Variants in ZMAT4 observed in about 807,000 individuals in gnomAD.
ZMAT4 encodes zinc finger matrin-type protein 4.
Under a neutral mutation model 28.7 loss-of-function variants are expected in ZMAT4, and 17 were observed. The observed-to-expected ratio is 0.59, with a 90% CI of 0.41 to 0.89. The LOEUF (loss-of-function observed/expected upper bound fraction) is 0.89. ZMAT4 is among the 40% of genes least tolerant of loss of function. The pLI is 0.00. For synonymous variants in ZMAT4, 117 were observed against 109.2 expected (o/e 1.07, Z -0.44); for missense variants, 240 against 283.8 (o/e 0.85, Z 1.11).
intron 1 of ZMAT4, among the ~76,000 whole-genome samples, chr8:40,896,049 A>T (rs1030062305): frequency 8.6e-5 from 13 of 151,794 alleles, no homozygotes; most frequent in African/African-American, 3.2e-4. Flanking sequence ...GAGAACGCTG[A>T]TGGTATTTTG....
At chr8:40,746,709 T>C (rs1172781513) in intron 3 of ZMAT4, among the ~76,000 whole-genome samples, 5 of 152,150 alleles carry the variant, frequency 3.3e-5, no homozygotes, top group Admixed American at 6.5e-5. Context: ...GTTTGGATGA[T>C]AAATGATATT....
chr8:40,756,056 C>A (rs1039902334), intron 3 of ZMAT4, among the ~76,000 whole-genome samples: 1 of 152,112 alleles, frequency 6.6e-6, no homozygotes, highest in African/African-American at 2.4e-5. Context: ...GGAACCCATA[C>A]ACATTGATCC....
rs181376924 is a variant in ZMAT4 at position 40,734,924 on chromosome 8, C to A, written c.192+32717G>T. On this transcript the variant is annotated intron_variant, in intron 3 of 6. Coordinates refer to ENST00000297737, the MANE Select transcript of ZMAT4 (RefSeq NM_024645.3). ...GCTTGAAATAAAATAAAATTAGAAT[C>A]TACTGGGACCTAAAGATTACAGAGC... is the stretch of plus-strand genomic sequence containing the variant. Among the ~76,000 whole-genome samples, 5 of 152,272 alleles carry A rather than the reference C, an allele frequency of 3.3e-5. No homozygotes were observed. In the East Asian group the frequency reaches 9.7e-4, roughly 29 times the overall value.
At chr8:40,675,698 G>A (rs1453418623) in intron 4 of ZMAT4, among the ~76,000 whole-genome samples, 1 of 152,146 alleles carries the variant, frequency 6.6e-6, no homozygotes, top group Non-Finnish European at 1.5e-5. Flanking sequence ...TTGGCTAAGT[G>A]GTAGAAACTG....
intron 5 of ZMAT4, among the ~76,000 whole-genome samples, chr8:40,651,158 G>C (rs1397210901): frequency 6.6e-6 from 1 of 152,084 alleles, no homozygotes; most frequent in African/African-American, 2.4e-5. Flanking sequence ...CAGACGACAT[G>C]ATTGTATATC....
chr8:40,655,155 A>T (rs1308878100), intron 5 of ZMAT4, among the ~76,000 whole-genome samples: 2 of 151,956 alleles, frequency 1.3e-5, no homozygotes, highest in African/African-American at 4.8e-5. Context: ...TTTAAAATAC[A>T]ATTATATTTC....
chr8:40,615,284 C>T lies in ZMAT4; in HGVS notation c.578-34023G>A, dbSNP rs201463514. 2.0e-3 allele frequency among the ~76,000 whole-genome samples: 306 copies of T among 152,280 alleles called. 1 individual carries two copies. Among genetic ancestry groups the T allele is most frequent in the African/African-American group, 7.2e-3 (301 of 41,554 alleles). ...TCTCTTCTGGCTTGTAGAGTTTCTG[C>T]TGAGAGATCCACTGTTAGTCTGATG... On this transcript the variant is annotated intron_variant, in intron 5 of 6. Transcript: ENST00000297737.
At chr8:40,543,761 C>T (rs1346729637) in intron 6 of ZMAT4, among the ~76,000 whole-genome samples, 1 of 152,138 alleles carries the variant, frequency 6.6e-6, no homozygotes, top group Non-Finnish European at 1.5e-5. Context: ...AGAATTATAA[C>T]TTTATATCAT....
At chr8:40,798,769 T>C (rs1814697926) in intron 2 of ZMAT4, among the ~76,000 whole-genome samples, 2 of 152,078 alleles carry the variant, frequency 1.3e-5, no homozygotes, top group South Asian at 4.2e-4. Context: ...TTCCTAAGGC[T>C]TCGACCTAGA....
At chr8:40,626,306 G>A (rs1563373004) in intron 5 of ZMAT4, among the ~76,000 whole-genome samples, 2 of 152,124 alleles carry the variant, frequency 1.3e-5, no homozygotes, top group Non-Finnish European at 2.9e-5. Context: ...CCAGCTAAGT[G>A]TGGCATCTCA....
At chr8:40,788,623 G>T (rs1355933849) in intron 2 of ZMAT4, among the ~76,000 whole-genome samples, 2 of 151,892 alleles carry the variant, frequency 1.3e-5, no homozygotes, top group Non-Finnish European at 2.9e-5. Context: ...ACATTTGGAT[G>T]GTTTCACTAA....
chr8:40,806,908 TATCACCAGG>T (rs1238822821), intron 2 of ZMAT4, among the ~76,000 whole-genome samples: 1 of 151,970 alleles, frequency 6.6e-6, no homozygotes, highest in Admixed American at 6.6e-5. Context: ...CACAGTTGTT[TATCACCAGG>T]CTCCAAACTT....
At chr8:40,626,338 T>C (rs948095363) in intron 5 of ZMAT4, among the ~76,000 whole-genome samples, 2 of 152,004 alleles carry the variant, frequency 1.3e-5, no homozygotes, top group Non-Finnish European at 2.9e-5. Flanking sequence ...GAAATAAGAG[T>C]GTTTCTAGCT....
chr8:40,724,541 G>T (rs770035833), intron 3 of ZMAT4, among the ~76,000 whole-genome samples: 18 of 152,198 alleles, frequency 1.2e-4, no homozygotes, highest in Non-Finnish European at 2.4e-4. Context: ...TCTACTATAT[G>T]CCAGGCATTG....
intron 1 of ZMAT4, among the ~76,000 whole-genome samples, chr8:40,827,426 A>C (rs763694358): frequency 6.6e-6 from 1 of 152,194 alleles, no homozygotes; most frequent in Admixed American, 6.5e-5. Context: ...TGTAAAGTAA[A>C]GTGAACTGTG....
chr8:40,798,441 G>A (rs1270076124), intron 2 of ZMAT4, among the ~76,000 whole-genome samples: 1 of 152,174 alleles, frequency 6.6e-6, no homozygotes, highest in Non-Finnish European at 1.5e-5. Context: ...CCGCTTGTAG[G>A]TTTTATGAGA....
intron 5 of ZMAT4, among the ~76,000 whole-genome samples, chr8:40,626,186 G>T (rs1213539293): frequency 2.0e-5 from 3 of 150,694 alleles, no homozygotes; most frequent in African/African-American, 7.3e-5. Context: ...TGTATACAAA[G>T]AAAAGAGCAG....
Position 40,566,254 on chromosome 8 carries a change from C to T in ZMAT4, c.674+14911G>A, listed in dbSNP as rs1803920320. Among the ~76,000 whole-genome samples, 4 of 152,282 alleles carry T rather than the reference C, an allele frequency of 2.6e-5. No homozygotes were observed. In the South Asian group the frequency reaches 8.3e-4, roughly 32 times the overall value. On this transcript the variant is annotated intron_variant, in intron 6 of 6. Transcript: ENST00000297737. ...AGATTCACTCCAGAAATATCACTTG[C>T]ATGCTCCAAAAGGTTGACTAGTTAT...
At chr8:40,662,816 T>C (rs1157990815) in intron 5 of ZMAT4, among the ~76,000 whole-genome samples, 1 of 152,184 alleles carries the variant, frequency 6.6e-6, no homozygotes, top group Non-Finnish European at 1.5e-5. Flanking sequence ...TCTTTGAGAA[T>C]TCTAATGTAC....
Sources: allele counts gnomAD v4.1 joint callset (sites outside exome capture counted in the v4.1 genomes callset), GRCh38; gene constraint gnomAD v4.1.1; transcripts MANE v1.5; gene names NCBI Gene and HGNC (gene_info 2026-07-23, HGNC 2026-07-21).